Variants in MYRFL observed in about 807,000 individuals in gnomAD.
The protein encoded by MYRFL is myelin regulatory factor-like protein.
MYRFL carries 88 observed loss-of-function variants against 109.4 expected under a neutral mutation model. The ratio of observed to expected loss-of-function variants is 0.80; its 90% CI spans 0.68 to 0.96. The LOEUF (loss-of-function observed/expected upper bound fraction) is 0.96. MYRFL is among the 40% of genes least tolerant of loss of function. The pLI is 0.00. For synonymous variants in MYRFL, 324 were observed against 320.9 expected, an observed-to-expected ratio of 1.01 and a Z score of -0.10; for missense variants, 957 against 954.9, an observed-to-expected ratio of 1.00 and a Z score of -0.03.
Position 69,879,376 on chromosome 12 carries a change from C to T in MYRFL, c.387C>T (p.Thr129=). 2.8e-6 allele frequency: 2 copies of T among 702,936 alleles called. No individual in the cohort carries two copies. Among genetic ancestry groups the T allele is most frequent in the Non-Finnish European group, 5.2e-6 (2 of 384,856 alleles). The allele number at this position is 702,936 out of a possible 1,614,324, so 43.5% of individuals were successfully genotyped here. The change falls in exon 4 of 25, where the codon ACC becomes ACT. Residue 129 remains threonine, a synonymous_variant. Coordinates refer to ENST00000552032, the MANE Select transcript of MYRFL (RefSeq NM_182530.3). ...SCHSNASHLA[T]PLDQSVSSHL... ...ACTCAAACGCCAGTCATCTTGCCAC[C>T]CCCCTGGACCAATCCGTGTCCTCCC...
chr12:69,899,308 T>C (rs576954768), intron 10 of MYRFL, among the ~76,000 whole-genome samples: 46 of 152,334 alleles, frequency 3.0e-4, no homozygotes, highest in Non-Finnish European at 5.9e-4. Context: ...TTTATTTAAT[T>C]GTTTAAGAAA....
chr12:69,896,377 C>A (rs1953996937), intron 9 of MYRFL, among the ~76,000 whole-genome samples: 1 of 152,196 alleles, frequency 6.6e-6, no homozygotes, highest in Admixed American at 6.5e-5. Context: ...CAGAGGGAAA[C>A]TCTTGTTCTC....
chr12:69,926,730 A>G lies in MYRFL; in HGVS notation c.1762A>G (p.Ile588Val), dbSNP rs1955096690. Residue 588 changes from isoleucine to valine, a missense_variant, in exon 14 of 25, where the codon ATC becomes GTC. Transcript: ENST00000552032. ...WKSSASEAST[I>V]SKSSRAVSAS... ...GTCATCAGCCAGTGAAGCAAGCACA[A>G]TCAGGTACGTGCAGCCAGGATTGCC... The G allele has an allele frequency of 6.7e-7, 1 of 1,488,120 alleles. No homozygotes were observed. The highest frequency in any genetic ancestry group is 8.9e-7 in the Non-Finnish European group (1 of 1,121,316). The allele number at this position is 1,488,120 out of a possible 1,614,324, so 92.2% of individuals were successfully genotyped here.
At chr12:69,833,350 A>G (rs1191026287) in intron 1 of MYRFL, among the ~76,000 whole-genome samples, 1 of 152,216 alleles carries the variant, frequency 6.6e-6, no homozygotes, top group Non-Finnish European at 1.5e-5. Flanking sequence ...TGTTTCTGAA[A>G]TACAAGACAA....
At position 69,877,031 on chromosome 12, in the gene MYRFL, T is replaced by TTCTTTCTTTCTTTCTTTC. The variant is rs1565988332; in HGVS notation, c.138-1996_138-1995insCTTTCTTTCTTTCTTTCT. The stretch of plus-strand genomic sequence containing the variant: ...TCTTTCTTTCTTTCTTTCTTTTTTT[T>TTCTTTCTTTCTTTCTTTC]TTTTTTTTTTGAGACGGAGTCTCGC... On this transcript the variant is annotated intron_variant, in intron 2 of 24. Coordinates refer to ENST00000552032, the MANE Select transcript of MYRFL (RefSeq NM_182530.3). 9.5e-4 allele frequency among the ~76,000 whole-genome samples: 31 copies of TTCTTTCTTTCTTTCTTTC among 32,486 alleles called. 1 individual carries two copies. Among genetic ancestry groups the TTCTTTCTTTCTTTCTTTC allele is most frequent in the African/African-American group, 2.8e-3 (31 of 11,022 alleles). The allele number at this position is 32,486 out of a possible 152,430, so 21.3% of individuals were successfully genotyped here.
chr12:69,848,899 T>A, intron 1 of MYRFL, among the ~76,000 whole-genome samples: 1 of 152,224 alleles, frequency 6.6e-6, no homozygotes, highest in East Asian at 1.9e-4. Flanking sequence ...TTGAGACAGA[T>A]CTTGCTCTGT....
chr12:69,933,813 GAA>G (rs1174050669), intron 16 of MYRFL, among the ~76,000 whole-genome samples: 2 of 151,284 alleles, frequency 1.3e-5, no homozygotes, highest in Non-Finnish European at 3.0e-5. Context: ...CAGCCCGGTG[GAA>G]AAGTTATAAG....
intron 1 of MYRFL, among the ~76,000 whole-genome samples, chr12:69,836,758 C>T (rs1273744549): frequency 6.6e-6 from 1 of 152,176 alleles, no homozygotes; most frequent in African/African-American, 2.4e-5. Flanking sequence ...AGGCAGGTTT[C>T]TGTGTGAGAA....
chr12:69,883,321 T>C (rs1016349847), intron 5 of MYRFL, among the ~76,000 whole-genome samples: 4 of 152,170 alleles, frequency 2.6e-5, no homozygotes, highest in Admixed American at 6.5e-5. Context: ...CTGCAACCCA[T>C]AGATTCCATC....
chr12:69,883,448 C>G (rs529397130), intron 5 of MYRFL, among the ~76,000 whole-genome samples: 1 of 152,240 alleles, frequency 6.6e-6, no homozygotes, highest in Admixed American at 6.5e-5. Flanking sequence ...AAATGGCCAT[C>G]AACGGCAAGA....
chr12:69,860,074 T>C (rs142641708), intron 2 of MYRFL, among the ~76,000 whole-genome samples: 3 of 152,264 alleles, frequency 2.0e-5, no homozygotes, highest in Admixed American at 1.3e-4. Context: ...CATTAGCTAT[T>C]CTTCCTGATG....
intron 19 of MYRFL, among the ~76,000 whole-genome samples, chr12:69,944,692 G>T (rs539779269): frequency 6.7e-6 from 1 of 149,998 alleles, no homozygotes; most frequent in Non-Finnish European, 1.5e-5. Flanking sequence ...AATAATAAAA[G>T]AAAAAAAAAG....
At chr12:69,859,188 T>A (rs1884486399) in intron 2 of MYRFL, among the ~76,000 whole-genome samples, 1 of 152,150 alleles carries the variant, frequency 6.6e-6, no homozygotes, top group Non-Finnish European at 1.5e-5. Flanking sequence ...TGGTTTCTAG[T>A]TTAATTCCAT....
chr12:69,952,876 C>T lies in MYRFL; in HGVS notation c.2365C>T (p.Leu789Phe), dbSNP rs1325976434. The T allele has an allele frequency of 4.6e-6, 7 of 1,534,610 alleles. No homozygotes were observed. The Admixed American group carries it at 1.2e-4, about 26-fold the overall frequency. ...AGATCATCAGTATTGCATTCAAAGCCTCCAGTGCGGGTAGGTAAGCCTCCC... is the reference window on the plus strand; with the variant it reads ...AGATCATCAGTATTGCATTCAAAGCTTCCAGTGCGGGTAGGTAAGCCTCCC... ...IIDHQYCIQS[L>F]QCGSGNYNYN... The change falls in exon 21 of 25, where the codon CTC becomes TTC. Residue 789 changes from leucine to phenylalanine, a missense_variant. By Grantham distance (22) the Leu-to-Phe change is conservative. Transcript: ENST00000552032.
At chr12:69,957,760 T>A (rs899194896) in intron 22 of MYRFL, 62 bp from the exon 23 acceptor site, 1 of 1,472,422 alleles carries the variant, frequency 6.8e-7, no homozygotes, top group African/African-American at 1.4e-5. Flanking sequence ...TATCAAGATG[T>A]ATCCTAGTAG....
In MYRFL at chr12:69,953,764, GACAC is replaced by G. The variant is rs143170206; in HGVS notation, c.2375+909_2375+912del. Among the ~76,000 whole-genome samples, 567 of 144,204 alleles carry G rather than the reference GACAC, an allele frequency of 3.9e-3. 2 individuals carry two copies. Among genetic ancestry groups the G allele is most frequent in the Admixed American group, 0.016 (224 of 14,410 alleles). The allele number at this position is 144,204 out of a possible 152,430, so 94.6% of individuals were successfully genotyped here. A position where few individuals can be genotyped will look rare whatever the true frequency, so the allele number is the denominator to read the frequency against. ...AGCCTGGATGACAAAGTGCAACCCGGACACACACACACACACACACACACACACA... is the reference window on the plus strand; with the variant it reads ...AGCCTGGATGACAAAGTGCAACCCGGACACACACACACACACACACACACA... On this transcript the variant is annotated intron_variant, in intron 21 of 24. Transcript: ENST00000552032.
At chr12:69,928,430 C>T (rs1011389824) in intron 15 of MYRFL, among the ~76,000 whole-genome samples, 1 of 152,190 alleles carries the variant, frequency 6.6e-6, no homozygotes. Flanking sequence ...AAAGGTGGCC[C>T]TTCCCTGGGG....
intron 7 of MYRFL, among the ~76,000 whole-genome samples, chr12:69,892,214 C>T (rs1886958452): frequency 6.6e-6 from 1 of 152,138 alleles, no homozygotes; most frequent in South Asian, 2.1e-4. Flanking sequence ...CAACGCCCTC[C>T]TGTACAGTTT....
chr12:69,910,717 T>A (rs921829037), intron 12 of MYRFL, 104 bp from the exon 13 acceptor site: 1 of 715,368 alleles, frequency 1.4e-6, no homozygotes, highest in Non-Finnish European at 2.2e-6. Context: ...CAAAATTCCT[T>A]CTTTGCTGCA....
Sources: allele counts gnomAD v4.1 joint callset (sites outside exome capture counted in the v4.1 genomes callset), GRCh38; gene constraint gnomAD v4.1.1; transcripts MANE v1.5; gene names NCBI Gene and HGNC (gene_info 2026-07-23, HGNC 2026-07-21).